ZNF146: variants seen among roughly 807,000 people sequenced by gnomAD.
ZNF146 encodes zinc finger protein OZF.
ZNF146 carries 9 observed loss-of-function variants against 22.2 expected under a neutral mutation model. That is an observed-to-expected ratio of 0.41 (90% confidence interval 0.24 to 0.71). The LOEUF is 0.71. ZNF146 is among the 30% of genes least tolerant of loss of function. ZNF146 has a pLI of 0.34. For missense variants in ZNF146, 194 were observed against 344.8 expected, an observed-to-expected ratio of 0.56 and a Z score of 3.46; for synonymous variants, 108 against 119.2, an observed-to-expected ratio of 0.91 and a Z score of 0.61.
intron 2 of ZNF146, among the ~76,000 whole-genome samples, chr19:36,226,723 GTAT>G (rs1452919053): frequency 6.6e-6 from 1 of 152,142 alleles, no homozygotes. Flanking sequence ...TGATACATTA[GTAT>G]TATTTAATCC....
chr19:36,221,644 CTG>C (rs1976843783), intron 2 of ZNF146, among the ~76,000 whole-genome samples: 1 of 152,128 alleles, frequency 6.6e-6, no homozygotes, highest in East Asian at 1.9e-4. Context: ...TAATGCATTT[CTG>C]TGATTCAACA....
chr19:36,227,692 C>A (rs138116787), intron 2 of ZNF146, among the ~76,000 whole-genome samples: 155 of 152,320 alleles, frequency 1.0e-3, no homozygotes, highest in African/African-American at 3.6e-3. Context: ...GTAGCTGAGA[C>A]TACAGGCGCA....
intron 2 of ZNF146, among the ~76,000 whole-genome samples, chr19:36,223,342 C>CA (rs375158030): frequency 0.26 from 34,286 of 131,506 alleles, 4,088 homozygotes; most frequent in African/African-American, 0.32. Context: ...GACTCCGTCT[C>CA]AAAAAAAAAA....
intron 3 of ZNF146, among the ~76,000 whole-genome samples, chr19:36,232,301 C>T (rs1158563020): frequency 6.6e-6 from 1 of 151,188 alleles, no homozygotes; most frequent in Admixed American, 6.6e-5. Flanking sequence ...AAATATTCTA[C>T]TTATGTAGGT....
chr19:36,225,524 C>G (rs192099137), intron 2 of ZNF146, among the ~76,000 whole-genome samples: 50 of 151,358 alleles, frequency 3.3e-4, no homozygotes, highest in African/African-American at 1.1e-3. Flanking sequence ...TTTTCTGGCT[C>G]ACTGCAACCT....
intron 2 of ZNF146, among the ~76,000 whole-genome samples, chr19:36,224,831 G>A (rs1239582896): frequency 6.6e-6 from 1 of 151,980 alleles, no homozygotes; most frequent in African/African-American, 2.4e-5. Flanking sequence ...GTCCTCTAGG[G>A]TGTTTTAAAA....
At chr19:36,218,964 A>G (rs1976727276) in intron 2 of ZNF146, among the ~76,000 whole-genome samples, 1 of 148,464 alleles carries the variant, frequency 6.7e-6, no homozygotes, top group East Asian at 2.0e-4. Flanking sequence ...GCCCACCACC[A>G]CGTCCGGCTA....
intron 3 of ZNF146, among the ~76,000 whole-genome samples, chr19:36,230,833 G>T (rs919021810): frequency 2.6e-5 from 4 of 152,020 alleles, no homozygotes; most frequent in Middle Eastern, 3.2e-3. Flanking sequence ...ACTGAGTCTT[G>T]CTCTGTCACC....
At chr19:36,220,436 C>G (rs1223578715) in intron 2 of ZNF146, among the ~76,000 whole-genome samples, 2 of 151,958 alleles carry the variant, frequency 1.3e-5, no homozygotes, top group Non-Finnish European at 2.9e-5. Flanking sequence ...ACGATCTCAG[C>G]TCACTGCAAT....
At position 36,236,599 on chromosome 19, in the gene ZNF146, T is replaced by C. The variant is rs781361083; in HGVS notation, c.159T>C (p.Phe53=). The change falls in exon 4 of 4, where the codon TTT becomes TTC. Residue 53 remains phenylalanine, a synonymous_variant. Transcript: ENST00000443387. ...AATGTAACGAGTGTGGAAAAGCCTT[T>C]AGCCAAAAGCAGTATGTCATTAAAC... ...PFECNECGKA[F]SQKQYVIKHQ... The C allele has an allele frequency of 6.2e-7, 1 of 1,614,068 alleles. No homozygotes were observed. Among genetic ancestry groups the C allele is most frequent in the South Asian group, 1.1e-5 (1 of 91,074 alleles).
chr19:36,236,686 C>G lies in ZNF146; in HGVS notation c.246C>G (p.Ser82Arg). 6.2e-7 allele frequency: 1 copy of G among 1,614,178 alleles called. No individual in the cohort carries two copies. ...FECNECGKSF[S>R]QKENLLTHQK... ...GTAATGAATGTGGAAAATCATTTAG[C>G]CAGAAGGAAAACCTCCTTACGCACC... Residue 82 changes from serine to arginine, a missense_variant, in exon 4 of 4, where the codon AGC becomes AGG. This residue lies in a region of ZNF146 where 147 missense variants were observed against 300.1 expected (regional missense o/e 0.49). Coordinates refer to ENST00000443387, the MANE Select transcript of ZNF146 (RefSeq NM_007145.3).
Position 36,237,562 on chromosome 19 carries a change from TA to T in ZNF146, c.*247del. On this transcript the variant is annotated 3_prime_UTR_variant, in exon 4 of 4. Transcript: ENST00000443387. ...GGTGAAAGTTTAGGCACATTTTCAC[TA>T]AAAGTGGGAACAGAAAATGGAGGCC... 1 of 346,474 alleles carries T rather than the reference TA, an allele frequency of 2.9e-6. No individual in the cohort carries two copies. Among genetic ancestry groups the T allele is most frequent in the Non-Finnish European group, 5.3e-6 (1 of 187,350 alleles). The allele number at this position is 346,474 out of a possible 1,614,324, so 21.5% of individuals were successfully genotyped here.
At chr19:36,234,918 T>C (rs1183459831) in intron 3 of ZNF146, among the ~76,000 whole-genome samples, 1 of 152,190 alleles carries the variant, frequency 6.6e-6, no homozygotes, top group Non-Finnish European at 1.5e-5. Flanking sequence ...CAACTGTTCC[T>C]TACACTTTTT....
At chr19:36,230,649 C>G (rs1266984482) in intron 3 of ZNF146, among the ~76,000 whole-genome samples, 2 of 152,146 alleles carry the variant, frequency 1.3e-5, no homozygotes, top group Non-Finnish European at 2.9e-5. Flanking sequence ...GCTTGCTGTC[C>G]TGTTCAGAGA....
At chr19:36,217,055 C>CT (rs752632008) in intron 1 of ZNF146, among the ~76,000 whole-genome samples, 3,789 of 65,686 alleles carry the variant, frequency 0.058, 504 homozygotes, top group Admixed American at 0.077. Flanking sequence ...CAGTCCCTGT[C>CT]TTTTTTTTTT....
In ZNF146 at chr19:36,227,918, T is replaced by C. The variant is rs142693861; in HGVS notation, c.-854-830T>C. Among the ~76,000 whole-genome samples the C allele has an allele frequency of 1.4e-3, 208 of 152,258 alleles. 1 individual carries two copies. The highest frequency in any genetic ancestry group is 4.6e-3 in the African/African-American group (190 of 41,552). ...GCTTACATCTGTAATCCCAGCACTTTGGGAGGCTGAGGTGGGTGGATCACC... is the reference window on the plus strand; with the variant it reads ...GCTTACATCTGTAATCCCAGCACTTCGGGAGGCTGAGGTGGGTGGATCACC... On this transcript the variant is annotated intron_variant, in intron 2 of 3. Transcript: ENST00000443387.
At chr19:36,217,919 G>A (rs1466066802) in intron 1 of ZNF146, among the ~76,000 whole-genome samples, 4 of 150,848 alleles carry the variant, frequency 2.7e-5, no homozygotes, top group Admixed American at 6.6e-5. Flanking sequence ...AGATACATAC[G>A]AAATAATAAA....
intron 3 of ZNF146, among the ~76,000 whole-genome samples, chr19:36,233,468 G>A (rs1977485824): frequency 6.6e-6 from 1 of 152,062 alleles, no homozygotes; most frequent in South Asian, 2.1e-4. Flanking sequence ...ATGGGCCCAG[G>A]GGACCGGCGT....
chr19:36,221,573 C>G (rs956953084), intron 2 of ZNF146, among the ~76,000 whole-genome samples: 4 of 152,128 alleles, frequency 2.6e-5, no homozygotes, highest in Non-Finnish European at 4.4e-5. Context: ...CAGGCTTGAG[C>G]CACCGTGCCT....
Sources: allele counts gnomAD v4.1 joint callset (sites outside exome capture counted in the v4.1 genomes callset), GRCh38; gene constraint gnomAD v4.1.1; regional missense constraint gnomAD v4.1.1; transcripts MANE v1.5; gene names NCBI Gene and HGNC (gene_info 2026-07-23, HGNC 2026-07-21).